The following FGF12 variants were observed in gnomAD, a reference collection of about 807,000 sequenced individuals.
FGF12 encodes fibroblast growth factor 12.
In FGF12, 14 loss-of-function variants were observed where a neutral mutation model predicts 23.6. That is an observed-to-expected ratio of 0.59 (90% CI 0.39 to 0.93). FGF12 has a LOEUF of 0.93. FGF12 is among the 40% of genes least tolerant of loss of function. The probability of loss-of-function intolerance (pLI) is 0.00; values close to 1 mark genes in which losing one functional copy is unlikely to be tolerated. For synonymous variants in FGF12, 62 were observed against 77.3 expected, an observed-to-expected ratio of 0.80 and a Z score of 1.04; for missense variants, 175 against 217.8, an observed-to-expected ratio of 0.80 and a Z score of 1.24.
At chr3:192,625,393 T>C (rs1235613508) in intron 2 of FGF12, among the ~76,000 whole-genome samples, 1 of 152,146 alleles carries the variant, frequency 6.6e-6, no homozygotes, top group African/African-American at 2.4e-5. Context: ...ATGTTTAATT[T>C]TTAGTTTGCT....
At chr3:192,288,684 A>T (rs1467473066) in intron 4 of FGF12, among the ~76,000 whole-genome samples, 1 of 152,048 alleles carries the variant, frequency 6.6e-6, no homozygotes, top group South Asian at 2.1e-4. Context: ...TGGAGCTCAA[A>T]CTAATTCTTA....
chr3:192,317,464 G>A (rs1266380631), intron 4 of FGF12, among the ~76,000 whole-genome samples: 8 of 152,042 alleles, frequency 5.3e-5, no homozygotes, highest in Non-Finnish European at 8.8e-5. Flanking sequence ...TGTGGGCCAG[G>A]GATGGTAGTG....
rs545782216 is a variant in FGF12 at position 192,430,885 on chromosome 3, T to C, written c.14-70347A>G. ...CAGTGTATTGGGAGCATAATTGTTA[T>C]TGGAATTTCTCAACCTTTGAGTTTT... On this transcript the variant is annotated intron_variant, in intron 2 of 5. Transcript: ENST00000445105. Among the ~76,000 whole-genome samples the C allele has an allele frequency of 3.3e-5, 5 of 152,314 alleles. No homozygotes were observed. In the South Asian group the frequency reaches 6.2e-4, roughly 19 times the overall value.
intron 2 of FGF12, among the ~76,000 whole-genome samples, chr3:192,365,642 T>G (rs887751941): frequency 6.6e-6 from 1 of 152,090 alleles, no homozygotes; most frequent in African/African-American, 2.4e-5. Context: ...AATAAATGTT[T>G]TCCTCAAAGA....
At chr3:192,192,627 C>G (rs1488598846) in intron 4 of FGF12, among the ~76,000 whole-genome samples, 1 of 151,606 alleles carries the variant, frequency 6.6e-6, no homozygotes, top group South Asian at 2.1e-4. Flanking sequence ...ATTATGCATT[C>G]TTTCCCTGTG....
At chr3:192,522,758 T>C (rs576114852) in intron 2 of FGF12, among the ~76,000 whole-genome samples, 1 of 152,284 alleles carries the variant, frequency 6.6e-6, no homozygotes, top group African/African-American at 2.4e-5. Context: ...TGTGCTACAA[T>C]TTTTTTAATA....
chr3:192,692,156 C>A (rs974674496), intron 2 of FGF12, among the ~76,000 whole-genome samples: 14 of 152,058 alleles, frequency 9.2e-5, no homozygotes, highest in African/African-American at 3.1e-4. Flanking sequence ...ACATACAAAC[C>A]CATTTTATGA....
chr3:192,584,588 A>T (rs1713296930), intron 2 of FGF12, among the ~76,000 whole-genome samples: 3 of 152,072 alleles, frequency 2.0e-5, no homozygotes, highest in Non-Finnish European at 4.4e-5. Context: ...TGCATACCAG[A>T]ATGTCAGCCA....
intron 2 of FGF12, among the ~76,000 whole-genome samples, chr3:192,493,493 A>G (rs7638837): frequency 0.11 from 17,048 of 152,168 alleles, 2,997 homozygotes; most frequent in African/African-American, 0.38. Context: ...GAAGGCCTCA[A>G]AGAATGTATT....
chr3:192,610,226 A>G (rs1714500038), intron 2 of FGF12, among the ~76,000 whole-genome samples: 2 of 152,058 alleles, frequency 1.3e-5, no homozygotes, highest in Admixed American at 1.3e-4. Context: ...TCTCCTCTTC[A>G]GATTCTTTCA....
chr3:192,285,621 AC>A (rs1714405437), intron 4 of FGF12, among the ~76,000 whole-genome samples: 1 of 152,124 alleles, frequency 6.6e-6, no homozygotes, highest in Non-Finnish European at 1.5e-5. Flanking sequence ...CTCTCGTTTC[AC>A]TTTCTACCCT....
intron 2 of FGF12, among the ~76,000 whole-genome samples, chr3:192,505,280 G>A (rs1312514878): frequency 6.6e-6 from 1 of 152,150 alleles, no homozygotes; most frequent in East Asian, 1.9e-4. Flanking sequence ...GCACAGAAAT[G>A]CACAAAGCTA....
At chr3:192,447,772 T>G (rs1346104762) in intron 2 of FGF12, among the ~76,000 whole-genome samples, 1 of 152,210 alleles carries the variant, frequency 6.6e-6, no homozygotes. Flanking sequence ...TTGAAAATAT[T>G]ACATAGATCA....
intron 2 of FGF12, among the ~76,000 whole-genome samples, chr3:192,656,552 G>A (rs779057363): frequency 6.6e-6 from 1 of 152,098 alleles, no homozygotes; most frequent in South Asian, 2.1e-4. Context: ...GGGAGGAGGG[G>A]TGCTACTGGC....
intron 2 of FGF12, among the ~76,000 whole-genome samples, chr3:192,462,182 A>C (rs989093079): frequency 2.0e-5 from 3 of 152,210 alleles, no homozygotes; most frequent in African/African-American, 7.2e-5. Flanking sequence ...AATGTCAATA[A>C]AACAGTGGGA....
intron 2 of FGF12, among the ~76,000 whole-genome samples, chr3:192,578,415 T>C (rs1346882213): frequency 6.6e-6 from 1 of 152,244 alleles, no homozygotes; most frequent in Non-Finnish European, 1.5e-5. Flanking sequence ...GTCTTGTGGC[T>C]CCAGAGTCTG....
intron 2 of FGF12, among the ~76,000 whole-genome samples, chr3:192,551,312 C>G (rs1019955222): frequency 6.6e-6 from 1 of 152,196 alleles, no homozygotes; most frequent in African/African-American, 2.4e-5. Flanking sequence ...GGTAAGGTAG[C>G]TAGAATTTGT....
At chr3:192,211,167 G>A (rs542389098) in intron 4 of FGF12, among the ~76,000 whole-genome samples, 2 of 152,298 alleles carry the variant, frequency 1.3e-5, no homozygotes, top group African/African-American at 2.4e-5. Context: ...TCTGGACAAG[G>A]TGAGAAATGG....
intron 2 of FGF12, among the ~76,000 whole-genome samples, chr3:192,526,257 G>T (rs749735528): frequency 1.3e-5 from 2 of 152,146 alleles, no homozygotes; most frequent in African/African-American, 4.8e-5. Context: ...GCTTACCTGC[G>T]CATATTTCTT....
Sources: gnomAD v4.1 joint callset for allele counts (sites outside exome capture counted in the v4.1 genomes callset) on GRCh38, gnomAD v4.1.1 for gene constraint, MANE v1.5 for transcripts, NCBI Gene and HGNC (gene_info 2026-07-23, HGNC 2026-07-21) for gene names.